The following PIGK variants were observed in gnomAD, a reference collection of about 807,000 sequenced individuals.
PIGK encodes the protein GPI-anchor transamidase.
A neutral mutation model predicts 50.6 loss-of-function variants in PIGK; 42 were observed. The observed-to-expected ratio is 0.83, with a 90% CI of 0.65 to 1.07. The LOEUF (loss-of-function observed/expected upper bound fraction) is 1.07, where lower values mean the gene tolerates loss of function less well. Among genes scored for constraint, PIGK ranks in the 50% least tolerant of loss-of-function variants. The pLI is 0.00. For synonymous variants in PIGK, 151 were observed against 156.0 expected, an observed-to-expected ratio of 0.97 and a Z score of 0.24; for missense variants, 448 against 488.7, an observed-to-expected ratio of 0.92 and a Z score of 0.78.
chr1:77,195,400 T>C, intron 3 of PIGK: 1 of 1,138,574 alleles, frequency 8.8e-7, no homozygotes, highest in Admixed American at 2.1e-5. Context: ...TGCTAAGGAG[T>C]GAGAGCTTAG....
At chr1:77,102,413 A>G (rs777990806) in intron 10 of PIGK, among the ~76,000 whole-genome samples, 7 of 152,216 alleles carry the variant, frequency 4.6e-5, no homozygotes, top group Non-Finnish European at 7.3e-5. Flanking sequence ...GGTGAGCCCA[A>G]TAGTATCACA....
intron 10 of PIGK, among the ~76,000 whole-genome samples, chr1:77,121,647 A>C (rs1255656327): frequency 6.6e-6 from 1 of 152,202 alleles, no homozygotes; most frequent in African/African-American, 2.4e-5. Flanking sequence ...CTATAACTCT[A>C]GTCAACAGAA....
At position 77,101,393 on chromosome 1, in the gene PIGK, C is replaced by G. The variant is rs148619732; in HGVS notation, c.1072-8903G>C. ...GAATTAATTTCTTCTTTTCAGGGCACTGGTGATATTTGGTTTATTATCTCA... is the reference window on the plus strand; with the variant it reads ...GAATTAATTTCTTCTTTTCAGGGCAGTGGTGATATTTGGTTTATTATCTCA... On this transcript the variant is annotated intron_variant, in intron 10 of 10. Transcript: ENST00000370812. Among the ~76,000 whole-genome samples, 403 of 152,202 alleles carry G rather than the reference C, an allele frequency of 2.6e-3. 3 individuals are homozygous for G. The highest frequency in any genetic ancestry group is 9.2e-3 in the African/African-American group (383 of 41,530).
rs1251336095 is a variant in PIGK, at chr1:77,210,467, C to A, written c.116G>T (p.Arg39Ile). 6.3e-7 allele frequency: 1 copy of A among 1,593,860 alleles called. No individual in the cohort carries two copies. The highest frequency in any genetic ancestry group is 1.3e-5 in the African/African-American group (1 of 74,528). ...HIEDQAEQFF[R>I]SGHTNNWAVL... Reference sequence around the variant, plus strand: ...AGCCCAGTTGTTTGTATGGCCACTTCTAAAGAATTGTTCTGCTTGATCCTA... The same window carrying A: ...AGCCCAGTTGTTTGTATGGCCACTTATAAAGAATTGTTCTGCTTGATCCTA... Residue 39 changes from arginine to isoleucine, a missense_variant, in exon 2 of 11, where the codon AGA becomes ATA. Coordinates refer to ENST00000370812, the MANE Select transcript of PIGK (RefSeq NM_005482.3).
At chr1:77,104,991 G>C (rs1653633389) in intron 10 of PIGK, among the ~76,000 whole-genome samples, 1 of 152,208 alleles carries the variant, frequency 6.6e-6, no homozygotes, top group Non-Finnish European at 1.5e-5. Flanking sequence ...AGGGTAAAAG[G>C]CTGGTGTGAG....
intron 3 of PIGK, among the ~76,000 whole-genome samples, chr1:77,187,089 C>A (rs576352340): frequency 6.6e-6 from 1 of 152,166 alleles, no homozygotes; most frequent in Non-Finnish European, 1.5e-5. Flanking sequence ...ACTCAGTTTA[C>A]GGCTAAAGAA....
chr1:77,100,297 T>C (rs1251045381), intron 10 of PIGK, among the ~76,000 whole-genome samples: 1 of 152,196 alleles, frequency 6.6e-6, no homozygotes, highest in Non-Finnish European at 1.5e-5. Context: ...GTTATAGTTA[T>C]AATTATTTCA....
chr1:77,205,978 AC>A (rs1656277311), intron 3 of PIGK, among the ~76,000 whole-genome samples: 1 of 152,178 alleles, frequency 6.6e-6, no homozygotes, highest in Non-Finnish European at 1.5e-5. Flanking sequence ...TGCAGCACAG[AC>A]ATGGGTGCTG....
At chr1:77,156,054 A>T (rs1655001566) in intron 8 of PIGK, among the ~76,000 whole-genome samples, 1 of 152,220 alleles carries the variant, frequency 6.6e-6, no homozygotes, top group Non-Finnish European at 1.5e-5. Context: ...AAGGAAACAC[A>T]AAGAAGGACT....
intron 9 of PIGK, among the ~76,000 whole-genome samples, chr1:77,150,489 C>CAAAAA (rs541372066): frequency 1.2e-5 from 1 of 86,076 alleles, no homozygotes; most frequent in Non-Finnish European, 2.6e-5. Context: ...GACTCAATCT[C>CAAAAA]AAAAAAAAAA....
At chr1:77,182,504 C>CT (rs1221004409) in intron 3 of PIGK, among the ~76,000 whole-genome samples, 2 of 86,008 alleles carry the variant, frequency 2.3e-5, no homozygotes, top group African/African-American at 6.1e-5. Context: ...CACCCAGGAT[C>CT]AATCTATCTA....
chr1:77,186,867 G>A (rs1025463027), intron 3 of PIGK, among the ~76,000 whole-genome samples: 5 of 152,176 alleles, frequency 3.3e-5, no homozygotes, highest in African/African-American at 1.2e-4. Flanking sequence ...TCCTCGGCAT[G>A]ATTAGGCAGC....
intron 9 of PIGK, among the ~76,000 whole-genome samples, chr1:77,142,386 G>T (rs1007072899): frequency 1.4e-4 from 21 of 152,146 alleles, no homozygotes; most frequent in African/African-American, 5.1e-4. Flanking sequence ...GACAAAGTAT[G>T]TTCATTTTAT....
chr1:77,181,056 TATAG>T (rs1655603338), intron 3 of PIGK, among the ~76,000 whole-genome samples: 1 of 152,194 alleles, frequency 6.6e-6, no homozygotes, highest in African/African-American at 2.4e-5. Flanking sequence ...ATCATGCCTA[TATAG>T]ATATTTTTAA....
At chr1:77,210,308 A>G (rs1656386831) in intron 2 of PIGK, 128 bp downstream of exon 2, 1 of 529,128 alleles carries the variant, frequency 1.9e-6, no homozygotes, top group Non-Finnish European at 3.3e-6. Context: ...ATATAGCCAA[A>G]TCAAAATAAA....
intron 3 of PIGK, among the ~76,000 whole-genome samples, chr1:77,180,106 T>C (rs1655577759): frequency 6.6e-6 from 1 of 152,176 alleles, no homozygotes; most frequent in Non-Finnish European, 1.5e-5. Flanking sequence ...CTTATTAAAA[T>C]GATAAAATTC....
intron 6 of PIGK, among the ~76,000 whole-genome samples, chr1:77,162,131 C>T (rs144393019): frequency 9.9e-5 from 15 of 152,198 alleles, no homozygotes; most frequent in African/African-American, 3.6e-4. Context: ...TACATTGGAA[C>T]GTGATGAGTA....
chr1:77,197,933 A>G (rs1656073739), intron 3 of PIGK, among the ~76,000 whole-genome samples: 1 of 152,220 alleles, frequency 6.6e-6, no homozygotes, highest in South Asian at 2.1e-4. Flanking sequence ...TGACATAAAT[A>G]TTAGATATAA....
intron 9 of PIGK, among the ~76,000 whole-genome samples, chr1:77,136,292 G>A (rs1342620227): frequency 6.6e-6 from 1 of 152,072 alleles, no homozygotes; most frequent in East Asian, 1.9e-4. Context: ...CACTTTGGGA[G>A]GCCGAGGCGG....
Sources: allele counts gnomAD v4.1 joint callset (sites outside exome capture counted in the v4.1 genomes callset), GRCh38; gene constraint gnomAD v4.1.1; transcripts MANE v1.5; gene names NCBI Gene and HGNC (gene_info 2026-07-23, HGNC 2026-07-21).